The following OR51B5 variants were observed in gnomAD, a reference collection of about 807,000 sequenced individuals.
The protein encoded by OR51B5 is olfactory receptor 51B5.
For missense variants in OR51B5, 456 were observed against 374.6 expected, an observed-to-expected ratio of 1.22 and a Z score of -1.79; for synonymous variants, 186 against 144.8, an observed-to-expected ratio of 1.28 and a Z score of -2.04.
At position 5,422,785 on chromosome 11, in the gene OR51B5, G is replaced by C. The variant is rs1332346011; in HGVS notation, n.85-75875C>G. On this transcript the variant is annotated intron_variant and non_coding_transcript_variant, in intron 1 of 4. Transcript: ENST00000415970. ...TCCGCCTGGTCTGTGCTGACATCAG[G>C]CTCAACAGCTGGTATGGATTTGCTC... is the stretch of plus-strand genomic sequence containing the variant. The C allele has an allele frequency of 2.5e-6, 4 of 1,614,092 alleles. No homozygotes were observed. The South Asian group carries it at 4.4e-5, about 18-fold the overall frequency.
intron 1 of OR51B5, chr11:5,441,440 G>A (rs1387213308): frequency 6.2e-6 from 10 of 1,613,766 alleles, no homozygotes; most frequent in Admixed American, 1.7e-5. Flanking sequence ...CCCAGGTGAG[G>A]CCTGTTTGTA....
intron 1 of OR51B5, among the ~76,000 whole-genome samples, chr11:5,481,727 C>A (rs1466660823): frequency 2.8e-5 from 3 of 105,748 alleles, no homozygotes; most frequent in Non-Finnish European, 5.5e-5. Flanking sequence ...AGACAGAGAG[C>A]CAAATCATGA....
chr11:5,344,837 A>G (rs1848965449), upstream of OR51B5, among the ~76,000 whole-genome samples: 2 of 152,220 alleles, frequency 1.3e-5, no homozygotes, highest in South Asian at 4.1e-4. Context: ...TATAAATGCA[A>G]GTTTAACATA....
chr11:5,400,496 A>G (rs1231458056), intron 1 of OR51B5, among the ~76,000 whole-genome samples: 5 of 151,804 alleles, frequency 3.3e-5, no homozygotes, highest in Admixed American at 6.6e-5. Flanking sequence ...TAGCCTGGAA[A>G]TTTTCTACTA....
intron 1 of OR51B5, among the ~76,000 whole-genome samples, chr11:5,360,751 A>T (rs28537424): frequency 0.16 from 23,660 of 143,994 alleles, 2,097 homozygotes; most frequent in Middle Eastern, 0.31. Flanking sequence ...CAAATGTCCA[A>T]CAATGATAGA....
Position 5,500,533 on chromosome 11 carries a change from A to G in OR51B5, n.84+5036T>C, listed in dbSNP as rs906446925. Among the ~76,000 whole-genome samples, 6 of 147,988 alleles carry G rather than the reference A, an allele frequency of 4.1e-5. 2 individuals carry two copies. Among genetic ancestry groups the G allele is most frequent in the Non-Finnish European group, 7.6e-5 (5 of 66,098 alleles). ...CTTCATAAAAGGAGGGTCCTCATGT[A>G]TATTTGCCTGATAACAAGAACTGTC... is the stretch of plus-strand genomic sequence containing the variant. On this transcript the variant is annotated intron_variant and non_coding_transcript_variant, in intron 1 of 4. Coordinates refer to the OR51B5 transcript ENST00000415970.
At chr11:5,380,110 G>T (rs977968005) in intron 1 of OR51B5, among the ~76,000 whole-genome samples, 4 of 152,034 alleles carry the variant, frequency 2.6e-5, no homozygotes, top group African/African-American at 9.7e-5. Flanking sequence ...CCCAAAAGGG[G>T]TCTCTCTGAA....
intron 1 of OR51B5, chr11:5,440,540 C>T (rs1850662088): frequency 6.5e-7 from 1 of 1,538,816 alleles, no homozygotes; most frequent in South Asian, 1.1e-5. Context: ...ATCCTTCCTC[C>T]AAAGGAGCTT....
At chr11:5,397,470 T>C (rs1266560530) in intron 1 of OR51B5, among the ~76,000 whole-genome samples, 1 of 151,590 alleles carries the variant, frequency 6.6e-6, no homozygotes, top group African/African-American at 2.4e-5. Flanking sequence ...TCACTGGCCA[T>C]CAGAGAAATG....
intron 1 of OR51B5, among the ~76,000 whole-genome samples, chr11:5,470,931 T>C (rs1179013202): frequency 6.6e-6 from 1 of 152,190 alleles, no homozygotes; most frequent in African/African-American, 2.4e-5. Context: ...TAATATAAAG[T>C]GATGTTACTC....
At chr11:5,399,547 A>T (rs1233195894) in intron 1 of OR51B5, among the ~76,000 whole-genome samples, 4 of 152,214 alleles carry the variant, frequency 2.6e-5, no homozygotes. Context: ...CCAGGGGTAC[A>T]GTCATCACTG....
At chr11:5,440,528 C>T in intron 1 of OR51B5, 1 of 1,438,432 alleles carries the variant, frequency 7.0e-7, no homozygotes, top group African/African-American at 1.4e-5. Flanking sequence ...TAACATGTCC[C>T]AATCCTTCCT....
intron 1 of OR51B5, among the ~76,000 whole-genome samples, chr11:5,374,050 AC>A (rs1331723542): frequency 6.6e-6 from 1 of 152,028 alleles, no homozygotes; most frequent in Non-Finnish European, 1.5e-5. Context: ...CTGACCCCTG[AC>A]CCCCGAGCAG....
At chr11:5,492,520 G>A (rs187039801) in intron 1 of OR51B5, among the ~76,000 whole-genome samples, 77 of 152,112 alleles carry the variant, frequency 5.1e-4, no homozygotes, top group Non-Finnish European at 9.6e-4. Flanking sequence ...CCAAAGAGTT[G>A]GAACTTAATT....
rs143522329 is a variant in OR51B5 at position 5,504,764 on chromosome 11, A to C, written n.84+805T>G. 4.5e-4 allele frequency among the ~76,000 whole-genome samples: 68 copies of C among 152,324 alleles called. 3 individuals are homozygous for C. The East Asian group carries it at 0.013, about 28-fold the overall frequency. ...ATCACTGATTGCACACTTTCCACGT[A>C]CCAGGCCCTACCTTAGCTGCTAGGT... On this transcript the variant is annotated intron_variant and non_coding_transcript_variant, in intron 1 of 4. Transcript: ENST00000415970.
intron 1 of OR51B5, among the ~76,000 whole-genome samples, chr11:5,377,193 G>A (rs962020157): frequency 3.9e-5 from 6 of 152,002 alleles, no homozygotes; most frequent in African/African-American, 1.4e-4. Flanking sequence ...CATATAAACA[G>A]AACCAAAGAC....
intron 1 of OR51B5, chr11:5,362,907 T>G (rs1849306589): frequency 5.9e-6 from 1 of 168,426 alleles, no homozygotes; most frequent in African/African-American, 2.4e-5. Flanking sequence ...TAAATTAAGT[T>G]TTCTTTCTAT....
intron 1 of OR51B5, chr11:5,351,904 AT>A: frequency 6.2e-7 from 1 of 1,613,178 alleles, no homozygotes; most frequent in Non-Finnish European, 8.5e-7. Flanking sequence ...ATATACCTCT[AT>A]CCTGACCAAC....
intron 1 of OR51B5, among the ~76,000 whole-genome samples, chr11:5,364,318 T>G (rs1017761740): frequency 1.3e-5 from 2 of 152,128 alleles, no homozygotes; most frequent in East Asian, 3.9e-4. Flanking sequence ...CACAAAACCA[T>G]TGGAATTTGG....
Sources: gnomAD v4.1 joint callset for allele counts (sites outside exome capture counted in the v4.1 genomes callset) on GRCh38, gnomAD v4.1.1 for gene constraint, MANE v1.5 for transcripts, NCBI Gene and HGNC (gene_info 2026-07-23, HGNC 2026-07-21) for gene names.